The following AHCYL2 variants were observed in gnomAD, a reference collection of about 807,000 sequenced individuals.
The protein encoded by AHCYL2 is adenosylhomocysteinase like 2.
A neutral mutation model predicts 81.4 loss-of-function variants in AHCYL2; 28 were observed. That is an observed-to-expected ratio of 0.34 (90% CI 0.25 to 0.47). The LOEUF (loss-of-function observed/expected upper bound fraction) is 0.47, where lower values mean the gene tolerates loss of function less well. Among genes scored for constraint, AHCYL2 ranks in the 20% least tolerant of loss-of-function variants. The probability of loss-of-function intolerance (pLI) is 1.00; values close to 1 mark genes in which losing one functional copy is unlikely to be tolerated. For missense variants in AHCYL2, 551 were observed against 785.1 expected (o/e 0.70, Z 3.56); for synonymous variants, 272 against 290.2 (o/e 0.94, Z 0.64).
At chr7:129,392,981 A>G (rs1378757431) in intron 4 of AHCYL2, among the ~76,000 whole-genome samples, 2 of 152,244 alleles carry the variant, frequency 1.3e-5, no homozygotes, top group East Asian at 3.8e-4. Context: ...TATGGTGGGA[A>G]TTCAGGGAAG....
intron 1 of AHCYL2, among the ~76,000 whole-genome samples, chr7:129,252,918 G>A (rs550420601): frequency 4.7e-4 from 71 of 151,906 alleles, no homozygotes; most frequent in South Asian, 4.6e-3. Context: ...TTAAAAAGAA[G>A]GCAAAGGTAG....
intron 1 of AHCYL2, among the ~76,000 whole-genome samples, chr7:129,367,516 TA>T (rs1380204860): frequency 6.6e-6 from 1 of 152,186 alleles, no homozygotes; most frequent in Non-Finnish European, 1.5e-5. Context: ...GGAGGTCCTT[TA>T]AGGTGATAGT....
intron 1 of AHCYL2, among the ~76,000 whole-genome samples, chr7:129,243,981 T>C (rs1410418507): frequency 6.6e-6 from 1 of 151,498 alleles, no homozygotes; most frequent in African/African-American, 2.4e-5. Flanking sequence ...ATTTTATTTA[T>C]TATTTTTTTC....
At chr7:129,252,089 G>A (rs1209410324) in intron 1 of AHCYL2, among the ~76,000 whole-genome samples, 2 of 152,140 alleles carry the variant, frequency 1.3e-5, no homozygotes, top group Non-Finnish European at 2.9e-5. Context: ...CCCCAGTCAT[G>A]AACCATTGAT....
chr7:129,406,371 T>A lies in AHCYL2; in HGVS notation c.1207-7T>A. On this transcript the variant is annotated splice_region_variant and splice_polypyrimidine_tract_variant and intron_variant, in intron 9 of 16. Transcript: ENST00000325006. The surrounding 1 kb of genome is among the most constrained non-coding windows in gnomAD (Gnocchi z 4.3). ...TCCTTAATATGTGTGCTCTCTCCCC[T>A]CTTCAGGTGGGGAAAGGGTGCTGTG... 6.2e-7 allele frequency: 1 copy of A among 1,611,170 alleles called. No individual in the cohort carries two copies. The highest frequency in any genetic ancestry group is 2.2e-5 in the East Asian group (1 of 44,868).
Position 129,406,471 on chromosome 7 carries a change from G to A in AHCYL2, c.1295+5G>A. On this transcript the variant is annotated splice_donor_5th_base_variant and intron_variant, in intron 10 of 16. Transcript: ENST00000325006. The surrounding 1 kb of genome is among the most constrained non-coding windows in gnomAD (Gnocchi z 4.3). The stretch of plus-strand genomic sequence containing the variant: ...CATCTGTGCCCTGCAAGCCTGGTAA[G>A]CCTCTACGCTACCATCTCACTTGCA... The A allele has an allele frequency of 6.2e-7, 1 of 1,613,510 alleles. No individual in the cohort carries two copies. Among genetic ancestry groups the A allele is most frequent in the East Asian group, 2.2e-5 (1 of 44,876 alleles).
rs560750067 is a variant in AHCYL2, at chr7:129,400,940, G to A, written c.918+556G>A. Among the ~76,000 whole-genome samples the A allele has an allele frequency of 3.3e-5, 5 of 152,252 alleles. No individual in the cohort carries two copies. The South Asian group carries it at 1.0e-3, about 32-fold the overall frequency. Reference sequence around the variant, plus strand: ...TTAAAAAAGACGAGATGAAGTTTTAGGGTTTTAATTTTTGCTTCATTTTTA... The same window carrying A: ...TTAAAAAAGACGAGATGAAGTTTTAAGGTTTTAATTTTTGCTTCATTTTTA... On this transcript the variant is annotated intron_variant, in intron 6 of 16. Coordinates refer to ENST00000325006, the MANE Select transcript of AHCYL2 (RefSeq NM_015328.4).
intron 1 of AHCYL2, chr7:129,283,356 T>C (rs771896957): frequency 2.2e-6 from 1 of 456,044 alleles, no homozygotes; most frequent in South Asian, 1.5e-5. Flanking sequence ...CATTGCCTAA[T>C]GTGCAGTGTC....
At chr7:129,311,784 T>A (rs530167041) in intron 1 of AHCYL2, among the ~76,000 whole-genome samples, 1 of 152,324 alleles carries the variant, frequency 6.6e-6, no homozygotes, top group Admixed American at 6.5e-5. Context: ...TTTATTGCTG[T>A]TTCCGTCGTC....
intron 8 of AHCYL2, 118 bp downstream of exon 8, chr7:129,405,331 G>T: frequency 1.8e-6 from 1 of 551,006 alleles, no homozygotes; most frequent in Non-Finnish European, 3.1e-6. Flanking sequence ...TCTCCATAAA[G>T]CCAGAGCTTT....
At chr7:129,345,328 A>C (rs1421065546) in intron 1 of AHCYL2, among the ~76,000 whole-genome samples, 1 of 152,214 alleles carries the variant, frequency 6.6e-6, no homozygotes, top group East Asian at 1.9e-4. Context: ...GGGGACAAAC[A>C]TACAGTATTC....
At position 129,426,930 on chromosome 7, in the gene AHCYL2, A is replaced by G; in HGVS notation, c.1830-109A>G. ...ACACAGTTATTTCCTGTCACTGTACACTCCAGAAAAGTCTCTGCCTCCCTG... is the reference window on the plus strand; with the variant it reads ...ACACAGTTATTTCCTGTCACTGTACGCTCCAGAAAAGTCTCTGCCTCCCTG... On this transcript the variant is annotated intron_variant, in intron 16 of 16. Transcript: ENST00000325006. The surrounding 1 kb of genome is among the most constrained non-coding windows in gnomAD (Gnocchi z 4.3). 1 of 1,078,868 alleles carries G rather than the reference A, an allele frequency of 9.3e-7. No individual in the cohort carries two copies. Among genetic ancestry groups the G allele is most frequent in the South Asian group, 1.4e-5 (1 of 71,254 alleles). 66.8% of individuals were successfully genotyped at this position (1,078,868 alleles called of 1,614,324 possible). A position where few individuals can be genotyped will look rare whatever the true frequency, so the allele number is the denominator to read the frequency against.
In AHCYL2 at chr7:129,420,713, T is replaced by G. The variant is rs866416354; in HGVS notation, c.1462-2127T>G. 6.6e-5 allele frequency among the ~76,000 whole-genome samples: 10 copies of G among 152,068 alleles called. No individual in the cohort carries two copies. In the South Asian group the frequency reaches 1.2e-3, roughly 19 times the overall value. ...GTTGCCCAAGCTGGTGTTGAACTCCTGGGCTCAAGGGATCTTCCCACCTTG... is the reference window on the plus strand; with the variant it reads ...GTTGCCCAAGCTGGTGTTGAACTCCGGGGCTCAAGGGATCTTCCCACCTTG... On this transcript the variant is annotated intron_variant, in intron 12 of 16. Transcript: ENST00000325006.
At chr7:129,412,297 CTT>C (rs371565692) in intron 11 of AHCYL2, among the ~76,000 whole-genome samples, 5 of 140,908 alleles carry the variant, frequency 3.5e-5, no homozygotes, top group Middle Eastern at 3.7e-3. Flanking sequence ...AATTGCCAAA[CTT>C]TTTTTTTTTT....
At chr7:129,249,848 T>A (rs140391897) in intron 1 of AHCYL2, among the ~76,000 whole-genome samples, 13 of 152,346 alleles carry the variant, frequency 8.5e-5, no homozygotes, top group African/African-American at 3.1e-4. Flanking sequence ...CTTATTTTAC[T>A]TGGTATAATG....
intron 1 of AHCYL2, among the ~76,000 whole-genome samples, chr7:129,312,243 C>T (rs1337182762): frequency 6.6e-6 from 1 of 152,136 alleles, no homozygotes; most frequent in African/African-American, 2.4e-5. Flanking sequence ...CACCACCATG[C>T]CTGGCTAATT....
intron 1 of AHCYL2, among the ~76,000 whole-genome samples, chr7:129,282,901 T>C (rs528447608): frequency 6.6e-6 from 1 of 152,204 alleles, no homozygotes; most frequent in East Asian, 1.9e-4. Flanking sequence ...GCCAGAGCAG[T>C]TTTCCATCTA....
chr7:129,264,821 T>A (rs187551110), intron 1 of AHCYL2, among the ~76,000 whole-genome samples: 4 of 152,336 alleles, frequency 2.6e-5, no homozygotes, highest in African/African-American at 7.2e-5. Flanking sequence ...AGTTTCTACT[T>A]CTTCCTTACT....
At chr7:129,240,685 A>G (rs1198714238) in intron 1 of AHCYL2, among the ~76,000 whole-genome samples, 1 of 151,522 alleles carries the variant, frequency 6.6e-6, no homozygotes, top group African/African-American at 2.4e-5. Context: ...TTGCTGGTTA[A>G]GCAGAGTTTT....
Sources: allele counts gnomAD v4.1 joint callset (sites outside exome capture counted in the v4.1 genomes callset), GRCh38; gene constraint gnomAD v4.1.1; non-coding constraint Gnocchi (gnomAD v3.1); transcripts MANE v1.5; gene names NCBI Gene and HGNC (gene_info 2026-07-23, HGNC 2026-07-21).